PTPRK: variants seen among roughly 807,000 people sequenced by gnomAD.
The protein encoded by PTPRK is receptor-type tyrosine-protein phosphatase kappa.
Under a neutral mutation model 178.0 loss-of-function variants are expected in PTPRK, and 75 were observed. That is an observed-to-expected ratio of 0.42 (90% CI 0.35 to 0.51). The LOEUF (loss-of-function observed/expected upper bound fraction) is 0.51, where lower values mean the gene tolerates loss of function less well. Among genes scored for constraint, PTPRK ranks in the 20% least tolerant of loss-of-function variants. The pLI is 0.02. For missense variants in PTPRK, 1,441 were observed against 1,797.8 expected (o/e 0.80, Z 3.59); for synonymous variants, 637 against 620.6 (o/e 1.03, Z -0.39).
At chr6:128,452,816 T>A (rs1466664924) in intron 1 of PTPRK, among the ~76,000 whole-genome samples, 2 of 152,178 alleles carry the variant, frequency 1.3e-5, no homozygotes, top group African/African-American at 4.8e-5. Context: ...CTGTTTTGGA[T>A]GGAAAACAAC....
At chr6:128,468,412 G>A (rs1417542223) in intron 1 of PTPRK, among the ~76,000 whole-genome samples, 1 of 151,772 alleles carries the variant, frequency 6.6e-6, no homozygotes, top group Non-Finnish European at 1.5e-5. Context: ...AGTTTATTAG[G>A]GCCTTCATTT....
intron 1 of PTPRK, among the ~76,000 whole-genome samples, chr6:128,494,230 T>C (rs1188327710): frequency 6.7e-6 from 1 of 148,160 alleles, no homozygotes; most frequent in Admixed American, 6.7e-5. Context: ...AAAAGTGTAG[T>C]TACTTGAACC....
chr6:128,470,963 A>C (rs1484606257), intron 1 of PTPRK, among the ~76,000 whole-genome samples: 1 of 151,442 alleles, frequency 6.6e-6, no homozygotes, highest in Non-Finnish European at 1.5e-5. Context: ...AAAATAAACA[A>C]GACAAGGAAA....
At chr6:128,016,846 C>G (rs572599792) in intron 13 of PTPRK, among the ~76,000 whole-genome samples, 2 of 132,038 alleles carry the variant, frequency 1.5e-5, no homozygotes, top group South Asian at 5.0e-4. Context: ...TTGAATTGAT[C>G]CAATGATCTA....
At chr6:128,059,829 CCAGT>C (rs1305277576) in intron 13 of PTPRK, among the ~76,000 whole-genome samples, 1 of 152,088 alleles carries the variant, frequency 6.6e-6, no homozygotes, top group Non-Finnish European at 1.5e-5. Context: ...TCCTAGCATC[CCAGT>C]TATCATTCTG....
At chr6:128,034,662 C>T (rs138394250) in intron 13 of PTPRK, among the ~76,000 whole-genome samples, 187 of 152,216 alleles carry the variant, frequency 1.2e-3, no homozygotes, top group African/African-American at 4.2e-3. Flanking sequence ...TTATAATTTA[C>T]AACTTCTCTT....
chr6:128,265,182 C>T (rs1818756707), intron 3 of PTPRK, among the ~76,000 whole-genome samples: 1 of 136,676 alleles, frequency 7.3e-6, no homozygotes, highest in Non-Finnish European at 1.6e-5. Flanking sequence ...ACTTTGAATA[C>T]ACTCAAAGAT....
intron 21 of PTPRK, among the ~76,000 whole-genome samples, chr6:127,987,553 A>C (rs1776121459): frequency 6.6e-6 from 1 of 152,152 alleles, no homozygotes; most frequent in East Asian, 1.9e-4. Context: ...GCTATAACTC[A>C]TGAATATTTA....
chr6:128,340,032 A>T (rs915593151), intron 2 of PTPRK, among the ~76,000 whole-genome samples: 7 of 152,200 alleles, frequency 4.6e-5, no homozygotes, highest in Non-Finnish European at 1.0e-4. Context: ...CCAGTAAAAG[A>T]GAGTGGTGGT....
At chr6:128,185,229 A>T in intron 6 of PTPRK, among the ~76,000 whole-genome samples, 1 of 152,192 alleles carries the variant, frequency 6.6e-6, no homozygotes, top group East Asian at 1.9e-4. Context: ...TCTGCCTCAC[A>T]GTGTGACAAA....
chr6:128,288,253 C>T (rs754636222), intron 3 of PTPRK, among the ~76,000 whole-genome samples: 7 of 152,194 alleles, frequency 4.6e-5, no homozygotes, highest in East Asian at 1.9e-4. Flanking sequence ...ATCCAAGATT[C>T]GTTTCTTGTC....
At chr6:128,011,576 G>A (rs1779060102) in intron 13 of PTPRK, among the ~76,000 whole-genome samples, 1 of 151,056 alleles carries the variant, frequency 6.6e-6, no homozygotes, top group Non-Finnish European at 1.5e-5. Context: ...TATATATAAT[G>A]TATGTAGGTG....
At chr6:128,042,065 C>T (rs145697970) in intron 13 of PTPRK, among the ~76,000 whole-genome samples, 10 of 152,002 alleles carry the variant, frequency 6.6e-5, no homozygotes, top group African/African-American at 2.2e-4. Flanking sequence ...CTCCAGTTTC[C>T]AATATGTCCT....
chr6:128,433,842 T>TA (rs1845167527), intron 1 of PTPRK, among the ~76,000 whole-genome samples: 5 of 150,908 alleles, frequency 3.3e-5, no homozygotes, highest in African/African-American at 1.2e-4. Flanking sequence ...TTTTTTTTTT[T>TA]ACAGACATTT....
intron 1 of PTPRK, among the ~76,000 whole-genome samples, chr6:128,413,387 GA>G (rs903412241): frequency 3.9e-4 from 57 of 145,510 alleles, no homozygotes; most frequent in Middle Eastern, 3.5e-3. Flanking sequence ...TATTTAAAAT[GA>G]AAAAAAAAAA....
chr6:128,013,006 C>T (rs929736862), intron 13 of PTPRK, among the ~76,000 whole-genome samples: 4 of 150,106 alleles, frequency 2.7e-5, no homozygotes, highest in Admixed American at 6.7e-5. Context: ...GGCTTATGTC[C>T]CCCATCCACA....
intron 11 of PTPRK, 22 bp from the exon 12 acceptor site, chr6:128,067,814 A>C: frequency 6.4e-7 from 1 of 1,557,096 alleles, no homozygotes; most frequent in Non-Finnish European, 8.7e-7. Context: ...AGAAAAAAAG[A>C]ACACACATAT....
chr6:128,153,445 A>G (rs375728216), intron 7 of PTPRK, among the ~76,000 whole-genome samples: 27 of 152,024 alleles, frequency 1.8e-4, no homozygotes, highest in African/African-American at 5.8e-4. Context: ...GGATTTTCCT[A>G]TTAATTAAGG....
chr6:128,149,232 A>G (rs1796922529), intron 7 of PTPRK, among the ~76,000 whole-genome samples: 1 of 151,852 alleles, frequency 6.6e-6, no homozygotes, highest in Non-Finnish European at 1.5e-5. Context: ...CAGCACACCA[A>G]CATGGCACAT....
Sources: gnomAD v4.1 joint callset for allele counts (sites outside exome capture counted in the v4.1 genomes callset) on GRCh38, gnomAD v4.1.1 for gene constraint, MANE v1.5 for transcripts, NCBI Gene and HGNC (gene_info 2026-07-23, HGNC 2026-07-21) for gene names.